Variants in AHI1 observed in about 807,000 individuals in gnomAD.
The protein encoded by AHI1 is Abelson helper integration site 1, also known as jouberin.
In AHI1, 123 loss-of-function variants were observed where a neutral mutation model predicts 149.3. That is an observed-to-expected ratio of 0.82 (90% CI 0.71 to 0.96). AHI1 has a LOEUF of 0.96. Ranked by LOEUF, AHI1 falls within the 40% of genes least tolerant of loss-of-function variation. The probability of loss-of-function intolerance (pLI) is 0.00; values close to 1 mark genes in which losing one functional copy is unlikely to be tolerated. For synonymous variants in AHI1, 475 were observed against 459.8 expected, an observed-to-expected ratio of 1.03 and a Z score of -0.42; for missense variants, 1,439 against 1,422.7, an observed-to-expected ratio of 1.01 and a Z score of -0.18.
intron 20 of AHI1, among the ~76,000 whole-genome samples, chr6:135,420,933 A>G (rs1224491231): frequency 6.6e-6 from 1 of 152,058 alleles, no homozygotes; most frequent in Non-Finnish European, 1.5e-5. Flanking sequence ...CTACCTTTTT[A>G]TTTATAATGA....
At chr6:135,459,641 A>G (rs1312486973) in intron 8 of AHI1, among the ~76,000 whole-genome samples, 2 of 152,002 alleles carry the variant, frequency 1.3e-5, no homozygotes, top group Non-Finnish European at 2.9e-5. Flanking sequence ...ACCATGAATG[A>G]AAACATGGGA....
intron 5 of AHI1, among the ~76,000 whole-genome samples, chr6:135,479,746 G>A (rs990027871): frequency 1.1e-4 from 17 of 152,156 alleles, no homozygotes; most frequent in African/African-American, 4.1e-4. Context: ...TGAGATTTGG[G>A]AGGGGCCAGG....
chr6:135,345,862 G>A (rs964180763), intron 24 of AHI1, among the ~76,000 whole-genome samples: 1 of 152,174 alleles, frequency 6.6e-6, no homozygotes, highest in Non-Finnish European at 1.5e-5. Context: ...GGAAATGATT[G>A]TTAAAGGAAG....
At chr6:135,471,777 C>T (rs1791734418) in intron 5 of AHI1, among the ~76,000 whole-genome samples, 1 of 151,750 alleles carries the variant, frequency 6.6e-6, no homozygotes, top group Non-Finnish European at 1.5e-5. Flanking sequence ...CTTTGGGAGG[C>T]CGAGGCGGGT....
At chr6:135,320,425 T>A (rs1384151460) in intron 25 of AHI1, among the ~76,000 whole-genome samples, 1 of 152,230 alleles carries the variant, frequency 6.6e-6, no homozygotes, top group Non-Finnish European at 1.5e-5. Context: ...TTGATCATCA[T>A]GGAAGAAGAA....
At chr6:135,464,766 G>C (rs889659226) in intron 7 of AHI1, among the ~76,000 whole-genome samples, 3 of 152,082 alleles carry the variant, frequency 2.0e-5, no homozygotes, top group African/African-American at 7.2e-5. Context: ...CTTAGAACTG[G>C]ATCTTCTAAG....
rs940869976 is a variant in AHI1 at position 135,450,243 on chromosome 6, T to C, written c.1441-1768A>G. Among the ~76,000 whole-genome samples, 3 of 152,188 alleles carry C rather than the reference T, an allele frequency of 2.0e-5. No homozygotes were observed. The East Asian group carries it at 5.8e-4, about 29-fold the overall frequency. On this transcript the variant is annotated intron_variant, in intron 11 of 28. Coordinates refer to ENST00000265602, the MANE Select transcript of AHI1 (RefSeq NM_001134831.2). ...GTAACAGAGTTTCAAGAGTGTGATA[T>C]GTTAAATGCATAGATGTGACAAAAT... is the stretch of plus-strand genomic sequence containing the variant.
intron 11 of AHI1, among the ~76,000 whole-genome samples, chr6:135,451,609 T>G (rs1449347258): frequency 6.6e-6 from 1 of 151,240 alleles, no homozygotes; most frequent in Non-Finnish European, 1.5e-5. Flanking sequence ...TTCTGGGGGG[T>G]GGGGATGGGA....
intron 13 of AHI1, among the ~76,000 whole-genome samples, chr6:135,446,063 AAAC>A (rs1412305029): frequency 1.3e-5 from 2 of 151,860 alleles, no homozygotes; most frequent in Non-Finnish European, 2.9e-5. Flanking sequence ...CTCAAAAAAA[AAAC>A]AAAAAGAGAA....
chr6:135,436,734 T>C (rs757771012), intron 15 of AHI1, among the ~76,000 whole-genome samples: 3 of 152,154 alleles, frequency 2.0e-5, no homozygotes, highest in Non-Finnish European at 2.9e-5. Flanking sequence ...CTGAAGTAGC[T>C]GGGACTACAG....
intron 5 of AHI1, among the ~76,000 whole-genome samples, chr6:135,483,426 A>G (rs564102247): frequency 1.7e-4 from 26 of 152,348 alleles, no homozygotes; most frequent in African/African-American, 6.3e-4. Flanking sequence ...AATGTAATTC[A>G]TAAGATGAAG....
intron 2 of AHI1, 72 bp from the exon 3 acceptor site, chr6:135,495,970 T>C (rs763063447): frequency 3.9e-5 from 6 of 152,182 alleles, no homozygotes; most frequent in Non-Finnish European, 8.8e-5. Context: ...TTATGTCCAT[T>C]ATTATTGTAT....
intron 20 of AHI1, among the ~76,000 whole-genome samples, chr6:135,424,011 C>T (rs904832841): frequency 3.3e-5 from 5 of 152,026 alleles, no homozygotes; most frequent in African/African-American, 9.7e-5. Flanking sequence ...GATGAACAAG[C>T]TTCCATCTTT....
chr6:135,387,589 C>T (rs1244977015), intron 23 of AHI1, among the ~76,000 whole-genome samples: 2 of 152,194 alleles, frequency 1.3e-5, no homozygotes, highest in Non-Finnish European at 2.9e-5. Flanking sequence ...CTTGAAATTA[C>T]TTCATCTTAA....
At chr6:135,477,315 C>G (rs887561996) in intron 5 of AHI1, among the ~76,000 whole-genome samples, 3 of 152,236 alleles carry the variant, frequency 2.0e-5, no homozygotes, top group African/African-American at 7.2e-5. Context: ...GCTGGGATTA[C>G]AGGCGTGAGC....
chr6:135,285,571 T>G lies in AHI1; in HGVS notation c.*74A>C. ...CTTAGTATCTGAAAATTCTGAACTC[T>G]GAAGAGAAATTCCATTTGGTTTGTC... On this transcript the variant is annotated 3_prime_UTR_variant, in exon 29 of 29. Transcript: ENST00000265602. 6.6e-7 allele frequency: 1 copy of G among 1,507,082 alleles called. No homozygotes were observed. The highest frequency in any genetic ancestry group is 9.2e-7 in the Non-Finnish European group (1 of 1,091,476). The allele number at this position is 1,507,082 out of a possible 1,614,324, so 93.4% of individuals were successfully genotyped here.
At chr6:135,494,123 A>G (rs557063444) in intron 3 of AHI1, among the ~76,000 whole-genome samples, 141 of 152,402 alleles carry the variant, frequency 9.3e-4, no homozygotes, top group South Asian at 1.9e-3. Context: ...GTAGATTAGT[A>G]GTATCATTAC....
intron 25 of AHI1, 26 bp from the exon 26 acceptor site, chr6:135,318,642 T>A: frequency 6.7e-7 from 1 of 1,499,228 alleles, no homozygotes; most frequent in Non-Finnish European, 9.1e-7. Flanking sequence ...GGAATTCATG[T>A]AATCAAATTG....
intron 23 of AHI1, among the ~76,000 whole-genome samples, chr6:135,372,359 A>G (rs1160528806): frequency 1.3e-5 from 2 of 152,136 alleles, no homozygotes; most frequent in African/African-American, 4.8e-5. Context: ...AATTAAACCA[A>G]AACAAACAAA....
Sources: gnomAD v4.1 joint callset for allele counts (sites outside exome capture counted in the v4.1 genomes callset) on GRCh38, gnomAD v4.1.1 for gene constraint, MANE v1.5 for transcripts, NCBI Gene and HGNC (gene_info 2026-07-23, HGNC 2026-07-21) for gene names.